Variants in ABCC1 observed in about 807,000 individuals in gnomAD.
ABCC1 encodes multidrug resistance-associated protein 1.
A neutral mutation model predicts 172.9 loss-of-function variants in ABCC1; 83 were observed. That is an observed-to-expected ratio of 0.48 (90% CI 0.40 to 0.58). The LOEUF is 0.58. Among genes scored for constraint, ABCC1 ranks in the 20% least tolerant of loss-of-function variants. The pLI is 0.00. For missense variants in ABCC1, 1,817 were observed against 2,002.7 expected, an observed-to-expected ratio of 0.91 and a Z score of 1.77; for synonymous variants, 937 against 825.2, an observed-to-expected ratio of 1.14 and a Z score of -2.32.
chr16:16,067,293 A>G (rs983279625), intron 12 of ABCC1, among the ~76,000 whole-genome samples: 1 of 152,132 alleles, frequency 6.6e-6, no homozygotes. Flanking sequence ...TTTCTGTGCC[A>G]TGGCTCAGCG....
At chr16:16,034,605 T>G (rs74319657) in intron 6 of ABCC1, among the ~76,000 whole-genome samples, 1 of 144,552 alleles carries the variant, frequency 6.9e-6, no homozygotes, top group Non-Finnish European at 1.5e-5. Flanking sequence ...TTTTTTTTTT[T>G]GAGATGGAGT....
intron 23 of ABCC1, among the ~76,000 whole-genome samples, chr16:16,117,282 G>A (rs1344286694): frequency 2.0e-5 from 3 of 152,188 alleles, no homozygotes; most frequent in Non-Finnish European, 4.4e-5. Flanking sequence ...AAGAATGAGA[G>A]CACCACGAAG....
intron 7 of ABCC1, among the ~76,000 whole-genome samples, chr16:16,044,002 T>G (rs566384833): frequency 6.6e-6 from 1 of 152,250 alleles, no homozygotes; most frequent in African/African-American, 2.4e-5. Flanking sequence ...TCCTTGAGTT[T>G]CCATGTGAAT....
At chr16:16,129,986 G>A (rs867879287) in intron 26 of ABCC1, among the ~76,000 whole-genome samples, 1 of 152,374 alleles carries the variant, frequency 6.6e-6, no homozygotes, top group African/African-American at 2.4e-5. Context: ...GCCCTGGACG[G>A]GGAGGTGCAT....
chr16:16,125,324 T>G (rs1421759464), intron 25 of ABCC1, among the ~76,000 whole-genome samples: 3 of 152,212 alleles, frequency 2.0e-5, no homozygotes, highest in Admixed American at 6.5e-5. Flanking sequence ...TGTGTGTGCT[T>G]AGGAGATGGC....
intron 26 of ABCC1, among the ~76,000 whole-genome samples, chr16:16,128,334 A>G (rs2045529313): frequency 6.6e-6 from 1 of 151,912 alleles, no homozygotes; most frequent in African/African-American, 2.4e-5. Context: ...TATTTTTAGT[A>G]GAGAAGGGAT....
intron 3 of ABCC1, among the ~76,000 whole-genome samples, chr16:16,012,207 T>G (rs2047811790): frequency 1.3e-5 from 2 of 152,268 alleles, no homozygotes; most frequent in South Asian, 4.1e-4. Flanking sequence ...GTAAGCAAAG[T>G]GTGGTACAGA....
chr16:16,027,786 C>G (rs2048426047), intron 5 of ABCC1, among the ~76,000 whole-genome samples: 1 of 152,152 alleles, frequency 6.6e-6, no homozygotes, highest in East Asian at 1.9e-4. Context: ...GTGCTCCAGC[C>G]TGGGTGACAG....
intron 19 of ABCC1, 134 bp from the exon 20 acceptor site, chr16:16,102,493 T>C (rs1337808830): frequency 4.0e-6 from 3 of 743,486 alleles, no homozygotes; most frequent in Admixed American, 2.3e-5. Context: ...GCAGAGCAGG[T>C]CTCCTACTTT....
intron 12 of ABCC1, among the ~76,000 whole-genome samples, chr16:16,062,458 T>C (rs2049958141): frequency 6.6e-6 from 1 of 152,188 alleles, no homozygotes; most frequent in South Asian, 2.1e-4. Context: ...GCGATCCTCC[T>C]GCTTCAGCCT....
intron 15 of ABCC1, among the ~76,000 whole-genome samples, chr16:16,077,839 A>C (rs1296683460): frequency 6.6e-6 from 1 of 152,110 alleles, no homozygotes; most frequent in African/African-American, 2.4e-5. Context: ...CTTGGCCAAC[A>C]TGGTGAAACC....
intron 5 of ABCC1, among the ~76,000 whole-genome samples, chr16:16,020,750 C>A (rs1012612967): frequency 6.6e-6 from 1 of 152,162 alleles, no homozygotes; most frequent in African/African-American, 2.4e-5. Context: ...GGACGGGAAT[C>A]GACATTTATT....
At position 16,044,527 on chromosome 16, in the gene ABCC1, A is replaced by C; in HGVS notation, c.887A>C (p.Glu296Ala). The C allele has an allele frequency of 1.2e-6, 2 of 1,614,188 alleles. No individual in the cohort carries two copies. The highest frequency in any genetic ancestry group is 1.7e-6 in the Non-Finnish European group (2 of 1,180,028). Residue 296 changes from glutamate to alanine, a missense_variant, in exon 8 of 31, where the codon GAG becomes GCG. By Grantham distance (107) the Glu-to-Ala change is moderately radical. Coordinates refer to ENST00000399410, the MANE Select transcript of ABCC1 (RefSeq NM_004996.4). ...KESSKVDANE[E>A]VEALIVKSPQ... ...AGTTCCAAGGTGGATGCGAATGAGG[A>C]GGTGGAGGCTTTGATCGTCAAGTCC...
intron 1 of ABCC1, among the ~76,000 whole-genome samples, chr16:15,983,660 A>C (rs1470200487): frequency 1.3e-5 from 2 of 151,150 alleles, no homozygotes; most frequent in African/African-American, 4.9e-5. Context: ...GGTTCAAGCA[A>C]TCCTCCTACC....
At chr16:15,950,966 A>G (rs2045857848) in intron 1 of ABCC1, among the ~76,000 whole-genome samples, 1 of 151,860 alleles carries the variant, frequency 6.6e-6, no homozygotes, top group African/African-American at 2.4e-5. Flanking sequence ...GTGTTTAATA[A>G]CCTACCACAC....
chr16:16,038,995 AACTG>A (rs1422344560), intron 7 of ABCC1, among the ~76,000 whole-genome samples: 6 of 152,268 alleles, frequency 3.9e-5, no homozygotes, highest in African/African-American at 1.4e-4. Flanking sequence ...GAGCAGATGA[AACTG>A]ACTGCTGCTT....
At chr16:16,111,085 G>A (rs1438568716) in intron 21 of ABCC1, among the ~76,000 whole-genome samples, 1 of 152,076 alleles carries the variant, frequency 6.6e-6, no homozygotes, top group African/African-American at 2.4e-5. Flanking sequence ...TTTTAATAGA[G>A]GCAGGATTTT....
rs556256089 is a variant in ABCC1 at position 15,994,349 on chromosome 16, G to A, written c.49-13467G>A. Among the ~76,000 whole-genome samples the A allele has an allele frequency of 2.0e-5, 3 of 152,098 alleles. No individual in the cohort carries two copies. In the East Asian group the frequency reaches 5.8e-4, roughly 29 times the overall value. On this transcript the variant is annotated intron_variant, in intron 1 of 30. Transcript: ENST00000399410. Reference sequence around the variant, plus strand: ...CTGGCCCTGTTTCTTCTAGGTTGACGAGCCCAAGCAATTTACATAAACTCT... The same window carrying A: ...CTGGCCCTGTTTCTTCTAGGTTGACAAGCCCAAGCAATTTACATAAACTCT...
At chr16:15,987,818 T>C (rs918961630) in intron 1 of ABCC1, among the ~76,000 whole-genome samples, 1 of 152,346 alleles carries the variant, frequency 6.6e-6, no homozygotes, top group South Asian at 2.1e-4. Flanking sequence ...TTCAGACCTG[T>C]TGGCCTCTCT....
Sources: allele counts gnomAD v4.1 joint callset (sites outside exome capture counted in the v4.1 genomes callset), GRCh38; gene constraint gnomAD v4.1.1; transcripts MANE v1.5; gene names NCBI Gene and HGNC (gene_info 2026-07-23, HGNC 2026-07-21).